Variants in MPP7 observed in about 807,000 individuals in gnomAD.
MPP7 encodes the protein MAGUK p55 subfamily member 7.
A neutral mutation model predicts 76.5 loss-of-function variants in MPP7; 60 were observed. The observed-to-expected ratio is 0.78, with a 90% CI of 0.64 to 0.97. MPP7 has a LOEUF of 0.97. MPP7 is among the 50% of genes least tolerant of loss of function. MPP7 has a pLI of 0.00. For synonymous variants in MPP7, 237 were observed against 244.5 expected (o/e 0.97, Z 0.29); for missense variants, 641 against 694.0 (o/e 0.92, Z 0.86).
At chr10:28,320,295 A>C (rs931907391) in intron 2 of MPP7, among the ~76,000 whole-genome samples, 2 of 152,226 alleles carry the variant, frequency 1.3e-5, no homozygotes, top group Non-Finnish European at 2.9e-5. Context: ...CGAGGATGCC[A>C]GCTGGAACAA....
At chr10:28,221,822 A>G (rs1838518829) in intron 2 of MPP7, among the ~76,000 whole-genome samples, 1 of 152,208 alleles carries the variant, frequency 6.6e-6, no homozygotes, top group African/African-American at 2.4e-5. Context: ...GTGCTGCACT[A>G]TATCGGAAAG....
intron 12 of MPP7, among the ~76,000 whole-genome samples, chr10:28,072,328 CCAGA>C (rs1852277692): frequency 6.6e-6 from 1 of 152,040 alleles, no homozygotes; most frequent in South Asian, 2.1e-4. Flanking sequence ...CTTCAGTGCA[CCAGA>C]CAGTTTGCTT....
chr10:28,192,653 T>C (rs940982783), intron 3 of MPP7, among the ~76,000 whole-genome samples: 1 of 152,178 alleles, frequency 6.6e-6, no homozygotes, highest in South Asian at 2.1e-4. Flanking sequence ...GAATATTCCA[T>C]GTTCATGGTC....
chr10:28,276,853 G>A (rs552681832), intron 1 of MPP7, among the ~76,000 whole-genome samples: 15 of 152,136 alleles, frequency 9.9e-5, no homozygotes, highest in East Asian at 5.8e-4. Context: ...TAGCCCTATC[G>A]TTTGACTGTG....
chr10:28,190,107 A>G (rs75243964), intron 3 of MPP7, among the ~76,000 whole-genome samples: 1,774 of 152,320 alleles, frequency 0.012, 11 homozygotes, highest in Middle Eastern at 0.024. Flanking sequence ...AAAGGGCATC[A>G]ATTCCCCAAG....
intron 1 of MPP7, among the ~76,000 whole-genome samples, chr10:28,287,712 A>G (rs1439319745): frequency 6.6e-6 from 1 of 152,212 alleles, no homozygotes; most frequent in Non-Finnish European, 1.5e-5. Flanking sequence ...AGACTTTTCA[A>G]GAGATGACCG....
At chr10:28,154,545 C>A (rs543299718) in intron 3 of MPP7, among the ~76,000 whole-genome samples, 1 of 152,060 alleles carries the variant, frequency 6.6e-6, no homozygotes, top group South Asian at 2.1e-4. Flanking sequence ...CACCAAAAAC[C>A]GTTTTTAGGC....
At chr10:28,179,178 C>G (rs1836977329) in intron 3 of MPP7, among the ~76,000 whole-genome samples, 2 of 152,180 alleles carry the variant, frequency 1.3e-5, no homozygotes, top group Admixed American at 1.3e-4. Flanking sequence ...TCCTCCAACA[C>G]ACTCACACTG....
chr10:28,282,491 G>A (rs1489355271), intron 1 of MPP7, among the ~76,000 whole-genome samples: 2 of 151,970 alleles, frequency 1.3e-5, no homozygotes, highest in East Asian at 3.9e-4. Flanking sequence ...GGCTCAGGTG[G>A]ATTCACTGAA....
intron 12 of MPP7, among the ~76,000 whole-genome samples, 157 bp downstream of exon 12, chr10:28,089,514 G>A (rs561720876): frequency 1.3e-5 from 2 of 152,070 alleles, no homozygotes; most frequent in Non-Finnish European, 2.9e-5. Flanking sequence ...AGTCAATTAC[G>A]TACAAAAAAC....
intron 13 of MPP7, among the ~76,000 whole-genome samples, chr10:28,060,490 G>T (rs6481498): frequency 0.06 from 9,164 of 152,212 alleles, 613 homozygotes; most frequent in African/African-American, 0.16. Flanking sequence ...GAAACTACCC[G>T]AACACTTTGA....
intron 15 of MPP7, among the ~76,000 whole-genome samples, chr10:28,057,154 T>G (rs1851587339): frequency 6.6e-6 from 1 of 152,196 alleles, no homozygotes; most frequent in African/African-American, 2.4e-5. Flanking sequence ...ATTCATGAGC[T>G]GATACTACAC....
At chr10:28,135,215 G>C (rs1435750662) in intron 5 of MPP7, among the ~76,000 whole-genome samples, 1 of 152,120 alleles carries the variant, frequency 6.6e-6, no homozygotes, top group Non-Finnish European at 1.5e-5. Context: ...ACAGAGCTGG[G>C]AATCCAGAGA....
At chr10:28,232,696 C>A (rs983979464) in intron 2 of MPP7, among the ~76,000 whole-genome samples, 8 of 152,284 alleles carry the variant, frequency 5.3e-5, no homozygotes, top group African/African-American at 1.9e-4. Flanking sequence ...AATTAAACCA[C>A]ATTGCCTATG....
intron 2 of MPP7, among the ~76,000 whole-genome samples, chr10:28,319,149 A>T (rs760007567): frequency 4.6e-5 from 7 of 152,182 alleles, no homozygotes; most frequent in African/African-American, 7.2e-5. Flanking sequence ...GGAAGCAGGC[A>T]TGTCTTACAT....
chr10:28,052,655 G>C lies in MPP7; in HGVS notation c.*1410C>G, dbSNP rs1851401586. 6.6e-6 allele frequency: 1 copy of C among 152,294 alleles called. No individual in the cohort carries two copies. The highest frequency in any genetic ancestry group is 1.5e-5 in the Non-Finnish European group (1 of 67,994). 9.4% of individuals were successfully genotyped at this position (152,294 alleles called of 1,614,324 possible). A position where few individuals can be genotyped will look rare whatever the true frequency, so the allele number is the denominator to read the frequency against. ...TTGACATACAATCAGTTTATTTTAT[G>C]AATAGCCCCGTTTGATATTTAAAAA... On this transcript the variant is annotated 3_prime_UTR_variant, in exon 17 of 17. Transcript: ENST00000683449.
chr10:28,068,385 G>A (rs1483621955), intron 13 of MPP7, among the ~76,000 whole-genome samples: 1 of 151,774 alleles, frequency 6.6e-6, no homozygotes, highest in Non-Finnish European at 1.5e-5. Context: ...CAAAACTAGA[G>A]AACATCGCTA....
At chr10:28,174,309 G>A (rs930999794) in intron 3 of MPP7, among the ~76,000 whole-genome samples, 1 of 152,220 alleles carries the variant, frequency 6.6e-6, no homozygotes, top group Non-Finnish European at 1.5e-5. Flanking sequence ...GTTGGGAGGT[G>A]TGTGGGTCAT....
intron 5 of MPP7, among the ~76,000 whole-genome samples, chr10:28,139,175 A>C (rs1382721439): frequency 2.6e-5 from 4 of 152,196 alleles, no homozygotes; most frequent in South Asian, 2.1e-4. Context: ...AGCTCCTACC[A>C]CCCTTTGTAT....
Sources: allele counts gnomAD v4.1 joint callset (sites outside exome capture counted in the v4.1 genomes callset), GRCh38; gene constraint gnomAD v4.1.1; transcripts MANE v1.5; gene names NCBI Gene and HGNC (gene_info 2026-07-23, HGNC 2026-07-21).